SLC38A5: variants seen among roughly 807,000 people sequenced by gnomAD.
The protein encoded by SLC38A5 is sodium-coupled neutral amino acid transporter 5.
In SLC38A5, 9 loss-of-function variants were observed where a neutral mutation model predicts 34.6. That is an observed-to-expected ratio of 0.26 (90% CI 0.16 to 0.45). The LOEUF is 0.45. Among genes scored for constraint, SLC38A5 ranks in the 20% least tolerant of loss-of-function variants. SLC38A5 has a pLI of 1.00. For missense variants in SLC38A5, 253 were observed against 394.7 expected (o/e 0.64, Z 3.04); for synonymous variants, 157 against 155.6 (o/e 1.01, Z -0.07).
chrX:48,458,684 CTCCTCCTCCTCTTCT>C lies in SLC38A5; in HGVS notation c.*234_*248del, dbSNP rs1276436427. On this transcript the variant is annotated 3_prime_UTR_variant, in exon 17 of 17. Transcript: ENST00000620913. ...CCTCCTCCTCCTCCTCCTCCTCCTC[CTCCTCCTCCTCTTCT>C]TCCTCCTCCTCCTCCTCCCATGGGG... 9 of 992,968 alleles carry C rather than the reference CTCCTCCTCCTCTTCT, an allele frequency of 9.1e-6. No individual in the cohort carries two copies. The highest frequency in any genetic ancestry group is 3.2e-5 in the South Asian group (1 of 30,827). 81.8% of individuals were successfully genotyped at this position (992,968 alleles called of 1,213,427 possible). A position where few individuals can be genotyped will look rare whatever the true frequency, so the allele number is the denominator to read the frequency against.
chrX:48,458,591 T>C lies in SLC38A5; in HGVS notation c.*342A>G, dbSNP rs2061413749. ...TTCCTCTTTAGCCCGAGGGTAATCC[T>C]GACAAACAGCTTCAGCCAGGAGGAG... On this transcript the variant is annotated 3_prime_UTR_variant, in exon 17 of 17. Transcript: ENST00000620913. 3.5e-6 allele frequency: 3 copies of C among 863,194 alleles called. No individual in the cohort carries two copies. Among genetic ancestry groups the C allele is most frequent in the Middle Eastern group, 5.7e-4 (1 of 1,763 alleles). 71.1% of individuals were successfully genotyped at this position (863,194 alleles called of 1,213,427 possible).
Position 48,466,879 on chromosome X carries a change from C to G in SLC38A5, c.246-7G>C. 2 of 1,205,087 alleles carry G rather than the reference C, an allele frequency of 1.7e-6. No homozygotes were observed. Among genetic ancestry groups the G allele is most frequent in the East Asian group, 6.0e-5 (2 of 33,536 alleles). On this transcript the variant is annotated splice_region_variant and splice_polypyrimidine_tract_variant and intron_variant, in intron 5 of 16. Coordinates refer to ENST00000620913, the MANE Select transcript of SLC38A5 (RefSeq NM_033518.4). Reference sequence around the variant, plus strand: ...AATGCACAGCAGCAGGGCCCTGCGGCAGGTGGCACAGCTCAGACCTGGCCC... The same window carrying G: ...AATGCACAGCAGCAGGGCCCTGCGGGAGGTGGCACAGCTCAGACCTGGCCC...
rs782584760 is a variant in SLC38A5 at position 48,468,938 on chromosome X, C to T, written c.-2+397G>A. ...CAATCCCCACCCGAGCCTGGAGCCC[C>T]TGTCTTGTAGGTACAGCGTCTCTGA... is the stretch of plus-strand genomic sequence containing the variant. On this transcript the variant is annotated intron_variant, in intron 2 of 16. Transcript: ENST00000620913. 11 of 751,281 alleles carry T rather than the reference C, an allele frequency of 1.5e-5. No individual in the cohort carries two copies. In the East Asian group the frequency reaches 1.5e-3, roughly 105 times the overall value. 61.9% of individuals were successfully genotyped at this position (751,281 alleles called of 1,213,427 possible). A position where few individuals can be genotyped will look rare whatever the true frequency, so the allele number is the denominator to read the frequency against.
chrX:48,468,290 A>G, intron 2 of SLC38A5: 7 of 860,046 alleles, frequency 8.1e-6, no homozygotes, highest in Non-Finnish European at 9.9e-6. Context: ...CTCTCCTCCC[A>G]GACCCCAGAC....
chrX:48,469,964 G>C lies in SLC38A5; in HGVS notation c.-104+218C>G, dbSNP rs1556964578. The C allele has an allele frequency of 2.7e-5, 3 of 111,914 alleles. No homozygotes were observed. The Admixed American group carries it at 2.8e-4, about 11-fold the overall frequency. 9.2% of individuals were successfully genotyped at this position (111,914 alleles called of 1,213,427 possible). Reference sequence around the variant, plus strand: ...AGTCATAGACAGGAGACACAGGCTGGCCAAGAGGTGGGGGACAGAGCCAGA... The same window carrying C: ...AGTCATAGACAGGAGACACAGGCTGCCCAAGAGGTGGGGGACAGAGCCAGA... On this transcript the variant is annotated intron_variant, in intron 1 of 16. Transcript: ENST00000620913.
chrX:48,458,709 T>A lies in SLC38A5; in HGVS notation c.*224A>T. The A allele has an allele frequency of 2.0e-6, 2 of 997,935 alleles. No homozygotes were observed. The highest frequency in any genetic ancestry group is 1.3e-6 in the Non-Finnish European group (1 of 790,245). 82.2% of individuals were successfully genotyped at this position (997,935 alleles called of 1,213,427 possible). On this transcript the variant is annotated 3_prime_UTR_variant, in exon 17 of 17. Transcript: ENST00000620913. Reference sequence around the variant, plus strand: ...CTCCTCCTCCTCTTCTTCCTCCTCCTCCTCCTCCCATGGGGTTGGGGTTGG... The same window carrying A: ...CTCCTCCTCCTCTTCTTCCTCCTCCACCTCCTCCCATGGGGTTGGGGTTGG...
chrX:48,467,030 G>A lies in SLC38A5; in HGVS notation c.177C>T (p.Asn59=), dbSNP rs188448038. The change falls in exon 5 of 17, where the codon AAC becomes AAT. Residue 59 remains asparagine, a synonymous_variant. Coordinates refer to ENST00000620913, the MANE Select transcript of SLC38A5 (RefSeq NM_033518.4). ...CCAGGATGCCGCTGCCCATGATGGC[G>A]TTGCTGAGGTTGAACACTGACATTC... ...SFGMSVFNLS[N]AIMGSGILGL... 4.0e-5 allele frequency: 49 copies of A among 1,210,683 alleles called. No individual in the cohort carries two copies. Among genetic ancestry groups the A allele is most frequent in the African/African-American group, 1.4e-4 (8 of 57,496 alleles).
chrX:48,461,143 C>T (rs782101197), intron 12 of SLC38A5, 57 bp from the exon 13 acceptor site: 28 of 1,014,478 alleles, frequency 2.8e-5, no homozygotes, highest in Non-Finnish European at 3.7e-5. Flanking sequence ...TGCCCCAGGT[C>T]CCTCAAAGCC....
At position 48,468,905 on chromosome X, in the gene SLC38A5, T is replaced by A. The variant is rs1284079199; in HGVS notation, c.-2+430A>T. 3 of 748,437 alleles carry A rather than the reference T, an allele frequency of 4.0e-6. No individual in the cohort carries two copies. The East Asian group carries it at 4.7e-4, about 117-fold the overall frequency. The allele number at this position is 748,437 out of a possible 1,213,427, so 61.7% of individuals were successfully genotyped here. A position where few individuals can be genotyped will look rare whatever the true frequency, so the allele number is the denominator to read the frequency against. ...CCTACCGAGTTTCCTGGGGTGGGGG[T>A]GTCTCTGCAATCCCCACCCGAGCCT... On this transcript the variant is annotated intron_variant, in intron 2 of 16. Transcript: ENST00000620913.
intron 8 of SLC38A5, among the ~76,000 whole-genome samples, chrX:48,465,105 C>T (rs1427399648): frequency 9.0e-6 from 1 of 111,510 alleles, no homozygotes; most frequent in Non-Finnish European, 1.9e-5. Context: ...GGCAGCTACA[C>T]ACGTGCAGCT....
intron 12 of SLC38A5, among the ~76,000 whole-genome samples, chrX:48,461,411 C>T (rs1440432508): frequency 1.8e-5 from 2 of 111,837 alleles, no homozygotes; most frequent in Non-Finnish European, 3.8e-5. Flanking sequence ...TCTGTCCGTA[C>T]CTCCCTATCC....
At chrX:48,467,259 A>G (rs2061484387) in intron 4 of SLC38A5, 182 bp from the exon 5 acceptor site, 1 of 444,203 alleles carries the variant, frequency 2.3e-6, no homozygotes, top group East Asian at 3.8e-5. Context: ...GAGGCTGCGA[A>G]TGGGGAGAGC....
intron 12 of SLC38A5, 100 bp downstream of exon 12, chrX:48,461,618 C>G: frequency 1.1e-6 from 1 of 900,011 alleles, no homozygotes. Context: ...CTAGCTTCCA[C>G]CAAGTGACAG....
chrX:48,467,131 G>A (rs1356708255), intron 4 of SLC38A5, 54 bp from the exon 5 acceptor site: 1 of 1,030,157 alleles, frequency 9.7e-7, no homozygotes, highest in East Asian at 3.1e-5. Flanking sequence ...ACAGGGTAAG[G>A]AGACTAATGC....
At chrX:48,460,566 T>G (rs2061427021) in intron 14 of SLC38A5, 83 bp downstream of exon 14, 1 of 964,042 alleles carries the variant, frequency 1.0e-6, no homozygotes, top group Non-Finnish European at 1.4e-6. Context: ...CATCCACTCC[T>G]GTTTCCAGCC....
rs782289906 is a variant in SLC38A5 at position 48,466,876 on chromosome X, C to T, written c.246-4G>A. ...CGCAATGCACAGCAGCAGGGCCCTG[C>T]GGCAGGTGGCACAGCTCAGACCTGG... On this transcript the variant is annotated splice_region_variant and splice_polypyrimidine_tract_variant and intron_variant, in intron 5 of 16. Transcript: ENST00000620913. 3.2e-5 allele frequency: 38 copies of T among 1,202,862 alleles called. No homozygotes were observed. The highest frequency in any genetic ancestry group is 8.8e-5 in the African/African-American group (5 of 57,090).
In SLC38A5 at chrX:48,459,666, G is replaced by T. The variant is rs782422351; in HGVS notation, c.1214-27C>A. 3 of 1,179,787 alleles carry T rather than the reference G, an allele frequency of 2.5e-6. No individual in the cohort carries two copies. In the Admixed American group the frequency reaches 7.1e-5, roughly 28 times the overall value. ...TGGAGAACAAGAAGAAGGGACAGGAGTCAACCTGACTTGGGGACAAGGCCC... is the reference window on the plus strand; with the variant it reads ...TGGAGAACAAGAAGAAGGGACAGGATTCAACCTGACTTGGGGACAAGGCCC... On this transcript the variant is annotated intron_variant, in intron 15 of 16. Coordinates refer to ENST00000620913, the MANE Select transcript of SLC38A5 (RefSeq NM_033518.4).
chrX:48,467,104 A>C, intron 4 of SLC38A5, 27 bp from the exon 5 acceptor site: 1 of 1,140,431 alleles, frequency 8.8e-7, no homozygotes, highest in Non-Finnish European at 1.2e-6. Flanking sequence ...AAGCCCGGGC[A>C]CACATTGGGA....
At chrX:48,463,859 GAAAGAAAGAA>G (rs2061454574) in intron 8 of SLC38A5, among the ~76,000 whole-genome samples, 1 of 58,471 alleles carries the variant, frequency 1.7e-5, no homozygotes, top group African/African-American at 7.4e-5. Flanking sequence ...GAGAGAGAAA[GAAAGAAAGAA>G]AGAAAGAAAG....
Sources: gnomAD v4.1 joint callset for allele counts (sites outside exome capture counted in the v4.1 genomes callset) on GRCh38, gnomAD v4.1.1 for gene constraint, MANE v1.5 for transcripts, NCBI Gene and HGNC (gene_info 2026-07-23, HGNC 2026-07-21) for gene names.